Variants in MLLT1 observed in about 807,000 individuals in gnomAD.
MLLT1 encodes the protein protein ENL.
MLLT1 carries 11 observed loss-of-function variants against 55.1 expected under a neutral mutation model. The ratio of observed to expected loss-of-function variants is 0.20; its 90% CI spans 0.13 to 0.33. The LOEUF is 0.33. MLLT1 is among the 10% of genes least tolerant of loss of function. The pLI is 1.00. For synonymous variants in MLLT1, 323 were observed against 320.1 expected (o/e 1.01, Z -0.10); for missense variants, 536 against 760.6 (o/e 0.70, Z 3.47).
At chr19:6,228,568 C>T (rs1568280287) in intron 4 of MLLT1, among the ~76,000 whole-genome samples, 1 of 152,214 alleles carries the variant, frequency 6.6e-6, no homozygotes, top group Non-Finnish European at 1.5e-5. Flanking sequence ...TCTCCCATTA[C>T]CGATCTCCAA....
intron 3 of MLLT1, among the ~76,000 whole-genome samples, chr19:6,255,929 C>G (rs950961805): frequency 6.6e-6 from 1 of 152,178 alleles, no homozygotes; most frequent in Non-Finnish European, 1.5e-5. Flanking sequence ...GAGTTCAAGA[C>G]CAGCCTGGGC....
At chr19:6,252,318 G>A (rs767707160) in intron 3 of MLLT1, among the ~76,000 whole-genome samples, 3 of 152,148 alleles carry the variant, frequency 2.0e-5, no homozygotes, top group East Asian at 3.9e-4. Flanking sequence ...CTGTGCTGCC[G>A]GCAACCCAGA....
Position 6,222,296 on chromosome 19 carries a change from G to A in MLLT1, c.935C>T (p.Pro312Leu), listed in dbSNP as rs2090907541. The A allele has an allele frequency of 6.2e-7, 1 of 1,607,998 alleles. No homozygotes were observed. Among genetic ancestry groups the A allele is most frequent in the South Asian group, 1.1e-5 (1 of 90,374 alleles). Residue 312 changes from proline to leucine, a missense_variant, in exon 6 of 12, where the codon CCA (proline) becomes CTA (leucine). By Grantham distance (98) the Pro-to-Leu change is moderately conservative. Coordinates refer to ENST00000252674, the MANE Select transcript of MLLT1 (RefSeq NM_005934.4). This position sits in a 1 kb window ranked among gnomAD's most constrained non-coding sequence, Gnocchi z 4.1. Reference sequence around the variant, plus strand: ...GGAGGAGGTGCGGGGCGAGGTGCCTGGAGCACTCCGGGACCCCTTCGAGCT... The same window carrying A: ...GGAGGAGGTGCGGGGCGAGGTGCCTAGAGCACTCCGGGACCCCTTCGAGCT... ...KSSSKGSRSA[P>L]GTSPRTSSSS...
chr19:6,211,729 G>A lies in MLLT1; in HGVS notation c.*1313C>T, dbSNP rs2090774097. On this transcript the variant is annotated 3_prime_UTR_variant, in exon 12 of 12. Coordinates refer to ENST00000252674, the MANE Select transcript of MLLT1 (RefSeq NM_005934.4). The surrounding 1 kb of genome is among the most constrained non-coding windows in gnomAD (Gnocchi z 4.6). ...CTGGGAAACAGAGGCTAACCAGGCA[G>A]GCCTCCAGCCCCTGGGACCCCCAGC... 9.4e-7 allele frequency: 1 copy of A among 1,064,616 alleles called. No individual in the cohort carries two copies. The highest frequency in any genetic ancestry group is 5.0e-5 in the East Asian group (1 of 20,046). The allele number at this position is 1,064,616 out of a possible 1,614,324, so 65.9% of individuals were successfully genotyped here. A position where few individuals can be genotyped will look rare whatever the true frequency, so the allele number is the denominator to read the frequency against.
chr19:6,279,606 G>T (rs2091447124), intron 1 of MLLT1, among the ~76,000 whole-genome samples, 167 bp downstream of exon 1: 1 of 151,508 alleles, frequency 6.6e-6, no homozygotes, highest in Non-Finnish European at 1.5e-5. Flanking sequence ...GGTCGCGGAT[G>T]GGGGAGGGGC....
intron 3 of MLLT1, chr19:6,259,798 T>TGAAAAAAA (rs1268979440): frequency 1.9e-5 from 1 of 52,296 alleles, no homozygotes; most frequent in Admixed American, 1.8e-4. Flanking sequence ...GAAACATGAC[T>TGAAAAAAA]TAAAAAAAAA....
rs935581651 is a variant in MLLT1, at chr19:6,212,372, C to T, written c.*670G>A. ...GGCTCGGCCTCCAGCCCCACACCAC[C>T]GCAGAGACATCTTAACCTACAAGCC... is the stretch of plus-strand genomic sequence containing the variant. On this transcript the variant is annotated 3_prime_UTR_variant, in exon 12 of 12. Transcript: ENST00000252674. 5.6e-6 allele frequency: 6 copies of T among 1,066,242 alleles called. No individual in the cohort carries two copies. In the East Asian group the frequency reaches 2.0e-4, roughly 35 times the overall value. 66.0% of individuals were successfully genotyped at this position (1,066,242 alleles called of 1,614,324 possible).
chr19:6,278,769 G>T (rs2091441238), intron 1 of MLLT1, among the ~76,000 whole-genome samples: 1 of 152,168 alleles, frequency 6.6e-6, no homozygotes. Context: ...CCAGGTCAGA[G>T]AAGAAACTGC....
At chr19:6,224,051 G>A (rs1433669082) in intron 5 of MLLT1, among the ~76,000 whole-genome samples, 2 of 152,194 alleles carry the variant, frequency 1.3e-5, no homozygotes, top group South Asian at 2.1e-4. Flanking sequence ...AAAGACATGC[G>A]GGAGGGGCAG....
Position 6,270,719 on chromosome 19 carries a change from T to C in MLLT1, c.53A>G (p.Gln18Arg). 1 of 1,613,776 alleles carries C rather than the reference T, an allele frequency of 6.2e-7. No homozygotes were observed. Among genetic ancestry groups the C allele is most frequent in the Non-Finnish European group, 8.5e-7 (1 of 1,179,802 alleles). ...QVRLELGHRA[Q>R]LRKKPTTEGF... ...CTCCGTGGTGGGCTTCTTGCGCAGT[T>C]GGGCGCGATGCCCCAGCTCTAACCT... Residue 18 changes from glutamine to arginine, a missense_variant, in exon 2 of 12, where the codon CAA (glutamine) becomes CGA (arginine). Coordinates refer to ENST00000252674, the MANE Select transcript of MLLT1 (RefSeq NM_005934.4). This position sits in a 1 kb window ranked among gnomAD's most constrained non-coding sequence, Gnocchi z 7.1.
chr19:6,242,493 G>A (rs1483115490), intron 3 of MLLT1, among the ~76,000 whole-genome samples: 2 of 152,240 alleles, frequency 1.3e-5, no homozygotes, highest in South Asian at 4.1e-4. Context: ...ATGACAGCTT[G>A]TTGCAGGGGT....
rs1457389156 is a variant in MLLT1, at chr19:6,229,108, C to T, written c.420+1462G>A. Among the ~76,000 whole-genome samples the T allele has an allele frequency of 6.6e-6, 1 of 152,218 alleles. No individual in the cohort carries two copies. The highest frequency in any genetic ancestry group is 2.4e-5 in the African/African-American group (1 of 41,458). On this transcript the variant is annotated intron_variant, in intron 4 of 11. Coordinates refer to ENST00000252674, the MANE Select transcript of MLLT1 (RefSeq NM_005934.4). This position sits in a 1 kb window ranked among gnomAD's most constrained non-coding sequence, Gnocchi z 5.2. The stretch of plus-strand genomic sequence containing the variant: ...GCCCAGGGAACGCCACTTCCCACAG[C>T]CACGCCACCACGGAACCTCCGGGGA...
intron 2 of MLLT1, among the ~76,000 whole-genome samples, chr19:6,265,065 C>CAAAAA (rs1162720785): frequency 1.6e-4 from 11 of 67,198 alleles, no homozygotes; most frequent in African/African-American, 6.4e-4. Flanking sequence ...AACAAAAAAA[C>CAAAAA]AAAAAAAAAC....
chr19:6,213,716 GC>G lies in MLLT1; in HGVS notation c.1479+9del, dbSNP rs749006744. 5 of 1,580,898 alleles carry G rather than the reference GC, an allele frequency of 3.2e-6. No individual in the cohort carries two copies. The highest frequency in any genetic ancestry group is 1.4e-5 in the African/African-American group (1 of 73,188). Reference sequence around the variant, plus strand: ...GTAGCCTCCCCGCCTTGTCGTAGGTGCCCCCCCACCTTGTCGTAGGTGCCCT... The same window carrying G: ...GTAGCCTCCCCGCCTTGTCGTAGGTGCCCCCCACCTTGTCGTAGGTGCCCT... On this transcript the variant is annotated intron_variant, in intron 10 of 11. Coordinates refer to ENST00000252674, the MANE Select transcript of MLLT1 (RefSeq NM_005934.4).
chr19:6,233,368 C>T (rs532504768), intron 3 of MLLT1, among the ~76,000 whole-genome samples: 24 of 152,306 alleles, frequency 1.6e-4, no homozygotes, highest in African/African-American at 5.5e-4. Flanking sequence ...AACAGGTTCC[C>T]GATCCAAGGC....
intron 3 of MLLT1, among the ~76,000 whole-genome samples, chr19:6,261,085 T>A (rs1343307016): frequency 1.3e-5 from 2 of 152,126 alleles, no homozygotes; most frequent in Non-Finnish European, 2.9e-5. Flanking sequence ...GCTCACCGGA[T>A]ACAGCTGGGG....
At chr19:6,274,149 C>T (rs781417576) in intron 1 of MLLT1, among the ~76,000 whole-genome samples, 3 of 152,332 alleles carry the variant, frequency 2.0e-5, no homozygotes, top group East Asian at 1.9e-4. Flanking sequence ...TTCGGGTGCC[C>T]GGCCTGCTGC....
chr19:6,218,918 C>T (rs892711650), intron 6 of MLLT1, among the ~76,000 whole-genome samples: 4 of 152,160 alleles, frequency 2.6e-5, no homozygotes, highest in African/African-American at 9.7e-5. Context: ...TCTGGTGGAA[C>T]TAGGTGGCTT....
intron 3 of MLLT1, among the ~76,000 whole-genome samples, chr19:6,237,969 T>C (rs931679161): frequency 1.3e-5 from 2 of 151,400 alleles, no homozygotes; most frequent in African/African-American, 4.9e-5. Flanking sequence ...TAGCTGAGTG[T>C]AGTAGTGCAC....
Sources: allele counts gnomAD v4.1 joint callset (sites outside exome capture counted in the v4.1 genomes callset), GRCh38; gene constraint gnomAD v4.1.1; non-coding constraint Gnocchi (gnomAD v3.1); transcripts MANE v1.5; gene names NCBI Gene and HGNC (gene_info 2026-07-23, HGNC 2026-07-21).